The following SH3PXD2A variants were observed in gnomAD, a reference collection of about 807,000 sequenced individuals.
SH3PXD2A encodes SH3 and PX domains 2A.
A neutral mutation model predicts 115.2 loss-of-function variants in SH3PXD2A; 32 were observed. The observed-to-expected ratio is 0.28, with a 90% CI of 0.21 to 0.37. SH3PXD2A has a LOEUF of 0.37. Ranked by LOEUF, SH3PXD2A falls within the 10% of genes least tolerant of loss-of-function variation. The pLI, the probability that SH3PXD2A is intolerant of heterozygous loss-of-function variation, is 1.00. For synonymous variants in SH3PXD2A, 610 were observed against 629.1 expected, an observed-to-expected ratio of 0.97 and a Z score of 0.45; for missense variants, 1,328 against 1,498.7, an observed-to-expected ratio of 0.89 and a Z score of 1.88.
chr10:103,756,903 C>T lies in SH3PXD2A; in HGVS notation c.229+10191G>A, dbSNP rs745357839. Among the ~76,000 whole-genome samples, 3 of 152,252 alleles carry T rather than the reference C, an allele frequency of 2.0e-5. No homozygotes were observed. Among genetic ancestry groups the T allele is most frequent in the Admixed American group, 1.3e-4 (2 of 15,292 alleles). On this transcript the variant is annotated intron_variant, in intron 3 of 14. Coordinates refer to ENST00000369774, the MANE Select transcript of SH3PXD2A (RefSeq NM_001394015.1). The surrounding 1 kb of genome is among the most constrained non-coding windows in gnomAD (Gnocchi z 4.4). ...GTCTCCTCTGCTCCGTGCAAGCTCC[C>T]GCCAGCCCCTTCTCCAGACTCCACA... is the stretch of plus-strand genomic sequence containing the variant.
At chr10:103,661,137 G>T in intron 7 of SH3PXD2A, 23 bp from the exon 8 acceptor site, 1 of 1,609,140 alleles carries the variant, frequency 6.2e-7, no homozygotes, top group East Asian at 2.2e-5. Flanking sequence ...GAAAGCACGC[G>T]GTGAGCCAGC....
At chr10:103,693,186 G>A (rs2037780606) in intron 5 of SH3PXD2A, 130 bp from the exon 6 acceptor site, 4 of 437,120 alleles carry the variant, frequency 9.2e-6, no homozygotes, top group Non-Finnish European at 1.5e-5. Context: ...GCCCACGGCC[G>A]GCTAGCCGCG....
At chr10:103,772,947 G>A (rs1198527185) in intron 2 of SH3PXD2A, among the ~76,000 whole-genome samples, 3 of 152,224 alleles carry the variant, frequency 2.0e-5, no homozygotes, top group Admixed American at 6.5e-5. Context: ...AGGACAGCCG[G>A]GCGCGGTGGC....
In SH3PXD2A at chr10:103,599,788, A is replaced by G. The variant is rs1176443284; in HGVS notation, c.*2028T>C. 1 of 152,676 alleles carries G rather than the reference A, an allele frequency of 6.5e-6. No homozygotes were observed. The highest frequency in any genetic ancestry group is 2.4e-5 in the African/African-American group (1 of 41,456). 9.5% of individuals were successfully genotyped at this position (152,676 alleles called of 1,614,324 possible). On this transcript the variant is annotated 3_prime_UTR_variant, in exon 15 of 15. Transcript: ENST00000369774. ...TACTGCAATCTAGCAGATTAACTCA[A>G]CATCCTGCTCTATTTAATACTGTCC...
chr10:103,616,905 T>C (rs1409476375), intron 11 of SH3PXD2A, among the ~76,000 whole-genome samples: 1 of 152,278 alleles, frequency 6.6e-6, no homozygotes, highest in Non-Finnish European at 1.5e-5. Flanking sequence ...CTGAGCTCTC[T>C]TGGCAGATAC....
chr10:103,821,961 T>C (rs1387152993), intron 1 of SH3PXD2A, among the ~76,000 whole-genome samples: 5 of 151,958 alleles, frequency 3.3e-5, no homozygotes, highest in Non-Finnish European at 5.9e-5. Flanking sequence ...TGGAGTGCAG[T>C]GGCACGATCT....
At chr10:103,767,820 T>TTTTTTG (rs1554921227) in intron 2 of SH3PXD2A, among the ~76,000 whole-genome samples, 1 of 124,900 alleles carries the variant, frequency 8.0e-6, no homozygotes, top group African/African-American at 3.3e-5. Flanking sequence ...GTTTTTTTTT[T>TTTTTTG]TTTTTTTTTT....
At chr10:103,722,513 A>G (rs1263166836) in intron 5 of SH3PXD2A, among the ~76,000 whole-genome samples, 1 of 151,786 alleles carries the variant, frequency 6.6e-6, no homozygotes, top group Non-Finnish European at 1.5e-5. Context: ...TGTTGCCAGG[A>G]CTGGTCTTGA....
chr10:103,852,350 T>C (rs1842904208), intron 1 of SH3PXD2A, among the ~76,000 whole-genome samples: 2 of 152,268 alleles, frequency 1.3e-5, no homozygotes. Context: ...CTTTGCAGAA[T>C]GTCCTGAGAG....
At chr10:103,771,738 AACAC>A (rs3068820) in intron 2 of SH3PXD2A, among the ~76,000 whole-genome samples, 31,022 of 143,006 alleles carry the variant, frequency 0.22, 3,536 homozygotes, top group African/African-American at 0.3. Context: ...CCGTCAAAAC[AACAC>A]ACACACACAC....
At chr10:103,798,908 G>T (rs115615903) in intron 2 of SH3PXD2A, among the ~76,000 whole-genome samples, 1 of 152,160 alleles carries the variant, frequency 6.6e-6, no homozygotes, top group South Asian at 2.1e-4. Context: ...GCCCCTAGAC[G>T]CCCCCCAGCC....
chr10:103,611,487 A>C (rs1210139953), intron 13 of SH3PXD2A, 94 bp downstream of exon 13: 4 of 1,184,340 alleles, frequency 3.4e-6, no homozygotes, highest in Non-Finnish European at 5.1e-6. Context: ...CCCCTGGATC[A>C]AGAGGCTCTG....
chr10:103,811,445 G>A (rs1382659844), intron 1 of SH3PXD2A, among the ~76,000 whole-genome samples: 1 of 152,228 alleles, frequency 6.6e-6, no homozygotes, highest in Non-Finnish European at 1.5e-5. Context: ...CTTTACAATA[G>A]TCCTATGAGA....
chr10:103,711,298 GCAGCCT>G (rs1344237509), intron 5 of SH3PXD2A, among the ~76,000 whole-genome samples: 3 of 152,256 alleles, frequency 2.0e-5, no homozygotes, highest in African/African-American at 7.2e-5. Context: ...TCATTGTGGT[GCAGCCT>G]CTTGGCCTGT....
intron 5 of SH3PXD2A, among the ~76,000 whole-genome samples, chr10:103,699,525 A>C (rs2037866460): frequency 1.3e-5 from 2 of 152,340 alleles, no homozygotes; most frequent in East Asian, 3.9e-4. Flanking sequence ...GAGATGGAGC[A>C]TGTTCTTCCA....
rs1277403337 is a variant in SH3PXD2A at position 103,597,674 on chromosome 10, C to T, written c.*4142G>A. On this transcript the variant is annotated 3_prime_UTR_variant, in exon 15 of 15. Coordinates refer to ENST00000369774, the MANE Select transcript of SH3PXD2A (RefSeq NM_001394015.1). ...CTAGGATTCCTTCAGCACCCCGCTC[C>T]CTGCCTCTTGCTCTCTGAGCGCCAC... 6.6e-6 allele frequency: 1 copy of T among 152,658 alleles called. No individual in the cohort carries two copies. Among genetic ancestry groups the T allele is most frequent in the Non-Finnish European group, 1.5e-5 (1 of 68,048 alleles). 9.5% of individuals were successfully genotyped at this position (152,658 alleles called of 1,614,324 possible).
chr10:103,685,525 C>T (rs1355898269), intron 6 of SH3PXD2A, among the ~76,000 whole-genome samples: 2 of 151,956 alleles, frequency 1.3e-5, no homozygotes, highest in African/African-American at 4.8e-5. Flanking sequence ...GGAGTCACTC[C>T]GGAGAAAGGG....
At chr10:103,816,997 A>ATTTT (rs56260224) in intron 1 of SH3PXD2A, among the ~76,000 whole-genome samples, 14 of 99,586 alleles carry the variant, frequency 1.4e-4, no homozygotes, top group African/African-American at 4.2e-4. Context: ...CACCCGGCTA[A>ATTTT]TTTTTTTTTT....
At chr10:103,847,854 G>T (rs899934639) in intron 1 of SH3PXD2A, among the ~76,000 whole-genome samples, 3 of 152,074 alleles carry the variant, frequency 2.0e-5, no homozygotes, top group Non-Finnish European at 4.4e-5. Context: ...CACGAGAATC[G>T]CTTGAACCCG....
Sources: gnomAD v4.1 joint callset for allele counts (sites outside exome capture counted in the v4.1 genomes callset) on GRCh38, gnomAD v4.1.1 for gene constraint, Gnocchi (gnomAD v3.1) non-coding constraint, MANE v1.5 for transcripts, NCBI Gene and HGNC (gene_info 2026-07-23, HGNC 2026-07-21) for gene names.